NALF1: variants seen among roughly 807,000 people sequenced by gnomAD.
NALF1 encodes the protein NALCN channel auxiliary factor 1, also known as family with sequence similarity 155 member A.
A neutral mutation model predicts 48.4 loss-of-function variants in NALF1; 3 were observed. The observed-to-expected ratio is 0.06, with a 90% CI of 0.03 to 0.16. The LOEUF (loss-of-function observed/expected upper bound fraction) is 0.16, where lower values mean the gene tolerates loss of function less well. Ranked by LOEUF, NALF1 falls within the 10% of genes least tolerant of loss-of-function variation. The pLI, the probability that NALF1 is intolerant of heterozygous loss-of-function variation, is 1.00. For synonymous variants in NALF1, 262 were observed against 245.7 expected, an observed-to-expected ratio of 1.07 and a Z score of -0.62; for missense variants, 526 against 571.5, an observed-to-expected ratio of 0.92 and a Z score of 0.81.
chr13:107,764,559 T>C (rs1486278482), intron 1 of NALF1, among the ~76,000 whole-genome samples: 1 of 152,088 alleles, frequency 6.6e-6, no homozygotes, highest in East Asian at 1.9e-4. Context: ...GACACTAAGG[T>C]AAGACAAATC....
At chr13:107,350,736 A>C (rs1476377400) in intron 1 of NALF1, among the ~76,000 whole-genome samples, 1 of 152,170 alleles carries the variant, frequency 6.6e-6, no homozygotes, top group Non-Finnish European at 1.5e-5. Flanking sequence ...TTTTTAGGCT[A>C]TTGCAGTGGT....
chr13:107,193,204 T>C (rs9587309), intron 2 of NALF1, among the ~76,000 whole-genome samples: 5,044 of 152,248 alleles, frequency 0.033, 121 homozygotes, highest in African/African-American at 0.062. Flanking sequence ...TGATTAAGCA[T>C]AGATGTTTCA....
At chr13:107,435,328 G>GA (rs11408117) in intron 1 of NALF1, among the ~76,000 whole-genome samples, 51,524 of 148,578 alleles carry the variant, frequency 0.35, 9,544 homozygotes, top group Middle Eastern at 0.43. Context: ...AGGTTGATTA[G>GA]AAAAAAAAAA....
At chr13:107,669,261 CA>C (rs1443501038) in intron 1 of NALF1, among the ~76,000 whole-genome samples, 1 of 152,006 alleles carries the variant, frequency 6.6e-6, no homozygotes, top group Non-Finnish European at 1.5e-5. Context: ...ATAATTTTTG[CA>C]TATGAAAACA....
intron 1 of NALF1, among the ~76,000 whole-genome samples, chr13:107,532,909 A>G (rs2139109819): frequency 6.6e-6 from 1 of 152,224 alleles, no homozygotes; most frequent in South Asian, 2.1e-4. Flanking sequence ...AAAACATCTT[A>G]AAGGTAGTTG....
chr13:107,326,024 T>C (rs1882358687), intron 1 of NALF1, among the ~76,000 whole-genome samples: 1 of 150,348 alleles, frequency 6.7e-6, no homozygotes, highest in Non-Finnish European at 1.5e-5. Flanking sequence ...TGTGTAATCC[T>C]ACTTTTCATC....
intron 1 of NALF1, among the ~76,000 whole-genome samples, chr13:107,245,738 T>C (rs1272045753): frequency 6.6e-6 from 1 of 152,230 alleles, no homozygotes; most frequent in Non-Finnish European, 1.5e-5. Context: ...TTCAAAAATA[T>C]TAAAATAAGG....
In NALF1 at chr13:107,782,174, C is replaced by T. The variant is rs1877910559; in HGVS notation, c.915+83508G>A. ...CCCTGCCTGATTCTCCTGCCTCAGC[C>T]TGCCGAGTGCCTGCGATTGCAGGCG... is the stretch of plus-strand genomic sequence containing the variant. On this transcript the variant is annotated intron_variant, in intron 1 of 2. Transcript: ENST00000375915. Among the ~76,000 whole-genome samples, 3 of 152,230 alleles carry T rather than the reference C, an allele frequency of 2.0e-5. No homozygotes were observed. In the South Asian group the frequency reaches 6.2e-4, roughly 31 times the overall value.
chr13:107,539,127 T>G (rs1024061974), intron 1 of NALF1, among the ~76,000 whole-genome samples: 2 of 152,018 alleles, frequency 1.3e-5, no homozygotes, highest in Admixed American at 6.6e-5. Flanking sequence ...GCTATTTTCT[T>G]AGACCATTTT....
intron 1 of NALF1, among the ~76,000 whole-genome samples, chr13:107,369,670 C>T (rs1883215485): frequency 1.3e-5 from 2 of 151,960 alleles, no homozygotes; most frequent in Admixed American, 1.3e-4. Context: ...GCAATTATTC[C>T]TAAGATTCTA....
At position 107,573,713 on chromosome 13, in the gene NALF1, C is replaced by A. The variant is rs538112186; in HGVS notation, c.915+291969G>T. 9.7e-4 allele frequency among the ~76,000 whole-genome samples: 148 copies of A among 152,252 alleles called. 1 individual carries two copies. The Middle Eastern group carries it at 0.044, about 45-fold the overall frequency. On this transcript the variant is annotated intron_variant, in intron 1 of 2. Coordinates refer to ENST00000375915, the MANE Select transcript of NALF1 (RefSeq NM_001080396.3). The stretch of plus-strand genomic sequence containing the variant: ...GGGACCTGGTCGGAGGTAATTGAAT[C>A]ATGGCATCTGGTCTTTCCTATGCTG...
intron 1 of NALF1, among the ~76,000 whole-genome samples, chr13:107,616,402 G>A (rs973280667): frequency 6.6e-6 from 1 of 152,138 alleles, no homozygotes; most frequent in Non-Finnish European, 1.5e-5. Flanking sequence ...TTTTAACAAA[G>A]TCTAAGTGTT....
chr13:107,303,052 T>G (rs1301965203), intron 1 of NALF1, among the ~76,000 whole-genome samples: 1 of 152,192 alleles, frequency 6.6e-6, no homozygotes, highest in Non-Finnish European at 1.5e-5. Context: ...CTATTTTATT[T>G]TTTGTTGTTG....
At chr13:107,359,280 T>C (rs9559020) in intron 1 of NALF1, among the ~76,000 whole-genome samples, 29,256 of 151,940 alleles carry the variant, frequency 0.19, 3,051 homozygotes, top group East Asian at 0.41. Flanking sequence ...TACCATGGAT[T>C]TGCTGGGTAT....
intron 1 of NALF1, among the ~76,000 whole-genome samples, chr13:107,660,436 AACACACAC>A (rs201215515): frequency 0.029 from 2,761 of 93,636 alleles, 112 homozygotes; most frequent in East Asian, 0.19. Flanking sequence ...CTGTCTCAAA[AACACACAC>A]ACACACACAC....
At chr13:107,207,053 A>G (rs975767253) in intron 2 of NALF1, among the ~76,000 whole-genome samples, 4 of 152,178 alleles carry the variant, frequency 2.6e-5, no homozygotes, top group African/African-American at 9.7e-5. Flanking sequence ...CAAATGCTTG[A>G]TGATTTTTTT....
chr13:107,404,070 T>A (rs1785505410), intron 1 of NALF1, among the ~76,000 whole-genome samples: 1 of 152,126 alleles, frequency 6.6e-6, no homozygotes, highest in African/African-American at 2.4e-5. Context: ...GCACAGATAA[T>A]GAAAGTATAA....
chr13:107,835,580 C>A (rs1879865304), intron 1 of NALF1: 1 of 152,108 alleles, frequency 6.6e-6, no homozygotes, highest in African/African-American at 2.4e-5. Flanking sequence ...AAATACAAAA[C>A]TACACAGTTA....
At chr13:107,635,441 C>T (rs79269009) in intron 1 of NALF1, among the ~76,000 whole-genome samples, 1 of 151,254 alleles carries the variant, frequency 6.6e-6, no homozygotes, top group Non-Finnish European at 1.5e-5. Flanking sequence ...TAGGGGTAAC[C>T]ACCTCCCACT....
Sources: gnomAD v4.1 joint callset for allele counts (sites outside exome capture counted in the v4.1 genomes callset) on GRCh38, gnomAD v4.1.1 for gene constraint, MANE v1.5 for transcripts, NCBI Gene and HGNC (gene_info 2026-07-23, HGNC 2026-07-21) for gene names.